The following OTUD7A variants were observed in gnomAD, a reference collection of about 807,000 sequenced individuals.
OTUD7A encodes the protein OTU domain-containing protein 7A.
Under a neutral mutation model 65.7 loss-of-function variants are expected in OTUD7A, and 12 were observed. That is an observed-to-expected ratio of 0.18 (90% CI 0.12 to 0.30). OTUD7A has a LOEUF of 0.30. OTUD7A is among the 10% of genes least tolerant of loss of function. OTUD7A has a pLI of 1.00. For missense variants in OTUD7A, 1,148 were observed against 1,304.8 expected (o/e 0.88, Z 1.85); for synonymous variants, 641 against 586.3 (o/e 1.09, Z -1.35).
At chr15:31,788,392 C>T (rs989661892) in intron 1 of OTUD7A, among the ~76,000 whole-genome samples, 2 of 152,216 alleles carry the variant, frequency 1.3e-5, no homozygotes, top group Non-Finnish European at 2.9e-5. Context: ...GAACCATGGC[C>T]ATGTTTGCCA....
At chr15:31,511,168 C>T (rs184282586) in intron 8 of OTUD7A, among the ~76,000 whole-genome samples, 71 of 5,222 alleles carry the variant, frequency 0.014, 13 homozygotes, top group Non-Finnish European at 0.017. Flanking sequence ...ATGTAACATA[C>T]ATATGTATAT....
At chr15:31,750,866 T>A (rs1347189097) in intron 1 of OTUD7A, among the ~76,000 whole-genome samples, 1 of 152,100 alleles carries the variant, frequency 6.6e-6, no homozygotes, top group Non-Finnish European at 1.5e-5. Flanking sequence ...GGAAAACTGG[T>A]TAGCCATATG....
intron 1 of OTUD7A, among the ~76,000 whole-genome samples, chr15:31,777,364 G>T (rs1363959334): frequency 6.6e-6 from 1 of 152,174 alleles, no homozygotes; most frequent in African/African-American, 2.4e-5. Flanking sequence ...GTACCCCAAT[G>T]ACTTGTACTT....
At chr15:31,578,553 G>T (rs1279749481) in intron 3 of OTUD7A, among the ~76,000 whole-genome samples, 2 of 136,544 alleles carry the variant, frequency 1.5e-5, no homozygotes, top group African/African-American at 6.4e-5. Context: ...CCAAACCAAT[G>T]TCCTTTTTTT....
intron 3 of OTUD7A, among the ~76,000 whole-genome samples, chr15:31,638,642 C>G (rs1355290259): frequency 6.6e-6 from 1 of 151,942 alleles, no homozygotes; most frequent in East Asian, 1.9e-4. Context: ...GCTATCCGTC[C>G]TCCTTGGCTC....
chr15:31,646,106 G>A lies in OTUD7A; in HGVS notation c.151+8990C>T, dbSNP rs186317572. Among the ~76,000 whole-genome samples, 284 of 152,190 alleles carry A rather than the reference G, an allele frequency of 1.9e-3. 1 individual carries two copies. The highest frequency in any genetic ancestry group is 6.2e-3 in the African/African-American group (259 of 41,516). ...TTAACGACATGACTCTGAATCTGAG[G>A]GCTTCTGGTTGTTTTTTTGCTCCTT... On this transcript the variant is annotated intron_variant, in intron 3 of 12. Coordinates refer to ENST00000307050, the MANE Select transcript of OTUD7A (RefSeq NM_001382637.1).
At chr15:31,779,569 TCTC>T (rs1895482054) in intron 1 of OTUD7A, among the ~76,000 whole-genome samples, 1 of 152,144 alleles carries the variant, frequency 6.6e-6, no homozygotes, top group Non-Finnish European at 1.5e-5. Flanking sequence ...GAAGAAGAAA[TCTC>T]CTTTCCGTGG....
At chr15:31,812,791 C>T (rs1896454036) in intron 1 of OTUD7A, among the ~76,000 whole-genome samples, 1 of 152,162 alleles carries the variant, frequency 6.6e-6, no homozygotes, top group African/African-American at 2.4e-5. Flanking sequence ...TCAATCCATC[C>T]ACCATGTGAG....
chr15:31,627,285 C>T (rs1181922398), intron 3 of OTUD7A, among the ~76,000 whole-genome samples: 4 of 139,594 alleles, frequency 2.9e-5, no homozygotes, highest in Admixed American at 7.7e-5. Context: ...GTTCCCCTTC[C>T]TGTGTCCATG....
intron 3 of OTUD7A, among the ~76,000 whole-genome samples, chr15:31,654,688 G>A (rs866964486): frequency 2.6e-5 from 4 of 152,074 alleles, no homozygotes; most frequent in Non-Finnish European, 2.9e-5. Flanking sequence ...TCATACATAC[G>A]GAGGATGCAA....
At chr15:31,800,658 T>C (rs1013314497) in intron 1 of OTUD7A, among the ~76,000 whole-genome samples, 7 of 152,130 alleles carry the variant, frequency 4.6e-5, no homozygotes, top group African/African-American at 7.2e-5. Flanking sequence ...CAGCCTCCCA[T>C]TCTTAGGCCC....
intron 1 of OTUD7A, among the ~76,000 whole-genome samples, chr15:31,830,446 A>G (rs749525102): frequency 1.3e-5 from 2 of 152,242 alleles, no homozygotes; most frequent in South Asian, 2.1e-4. Flanking sequence ...TGTGTCTGAC[A>G]ATGACCTTGA....
At chr15:31,755,203 G>C (rs924919059) in intron 1 of OTUD7A, among the ~76,000 whole-genome samples, 1 of 151,974 alleles carries the variant, frequency 6.6e-6, no homozygotes, top group Non-Finnish European at 1.5e-5. Context: ...AGGAGGAATG[G>C]AAGGAGGGGG....
intron 1 of OTUD7A, among the ~76,000 whole-genome samples, chr15:31,746,299 C>T (rs748805382): frequency 6.6e-6 from 1 of 152,080 alleles, no homozygotes; most frequent in African/African-American, 2.4e-5. Context: ...AAATGTCCAT[C>T]AAGAAGAGAA....
intron 1 of OTUD7A, among the ~76,000 whole-genome samples, chr15:31,841,544 G>A (rs1261799945): frequency 1.3e-5 from 2 of 151,974 alleles, no homozygotes; most frequent in African/African-American, 2.4e-5. Context: ...CATGTGCTCC[G>A]CTGGTGGATG....
At chr15:31,653,304 A>C (rs1197694355) in intron 3 of OTUD7A, among the ~76,000 whole-genome samples, 1 of 152,074 alleles carries the variant, frequency 6.6e-6, no homozygotes, top group African/African-American at 2.4e-5. Flanking sequence ...TATTCACAAA[A>C]TCCTGTTCTT....
chr15:31,520,683 T>G (rs1466176562), intron 8 of OTUD7A, among the ~76,000 whole-genome samples: 1 of 152,224 alleles, frequency 6.6e-6, no homozygotes, highest in Non-Finnish European at 1.5e-5. Flanking sequence ...CACATGCTGT[T>G]GGTAGGAATG....
intron 12 of OTUD7A, among the ~76,000 whole-genome samples, chr15:31,486,556 C>T (rs909848347): frequency 2.6e-5 from 4 of 152,226 alleles, no homozygotes; most frequent in African/African-American, 9.6e-5. Context: ...AAACATCAAT[C>T]AGTCAGATGC....
At chr15:31,538,205 G>C (rs1008401679) in intron 5 of OTUD7A, among the ~76,000 whole-genome samples, 3 of 152,204 alleles carry the variant, frequency 2.0e-5, no homozygotes, top group East Asian at 1.9e-4. Flanking sequence ...TGTGTGGCCT[G>C]ATGCGGCCAC....
Sources: gnomAD v4.1 joint callset for allele counts (sites outside exome capture counted in the v4.1 genomes callset) on GRCh38, gnomAD v4.1.1 for gene constraint, MANE v1.5 for transcripts, NCBI Gene and HGNC (gene_info 2026-07-23, HGNC 2026-07-21) for gene names.